Variants in CLIP1 observed in about 807,000 individuals in gnomAD.
The protein encoded by CLIP1 is CAP-Gly domain containing linker protein 1.
In CLIP1, 66 loss-of-function variants were observed where a neutral mutation model predicts 161.6. The observed-to-expected ratio is 0.41, with a 90% CI of 0.33 to 0.50. The LOEUF (loss-of-function observed/expected upper bound fraction) is 0.50. CLIP1 is among the 20% of genes least tolerant of loss of function. The pLI is 0.27. For missense variants in CLIP1, 1,376 were observed against 1,702.0 expected (o/e 0.81, Z 3.37); for synonymous variants, 598 against 626.2 (o/e 0.96, Z 0.67).
chr12:122,422,925 C>A (rs1469031096), upstream of CLIP1, among the ~76,000 whole-genome samples: 5 of 152,100 alleles, frequency 3.3e-5, no homozygotes, highest in Non-Finnish European at 7.4e-5. Flanking sequence ...CACAGGCCTG[C>A]TCCGAGGGGC....
chr12:122,298,078 G>A (rs1179638415), intron 20 of CLIP1, among the ~76,000 whole-genome samples: 1 of 152,176 alleles, frequency 6.6e-6, no homozygotes, highest in Non-Finnish European at 1.5e-5. Flanking sequence ...TCATGGCTCA[G>A]TTTCTCCAAC....
At chr12:122,382,452 C>T (rs2136859056) in intron 1 of CLIP1, among the ~76,000 whole-genome samples, 1 of 151,714 alleles carries the variant, frequency 6.6e-6, no homozygotes, top group East Asian at 1.9e-4. Context: ...CCCTTGATCC[C>T]AGAAGATGAA....
At chr12:122,411,288 C>T (rs113978227) in intron 1 of CLIP1, among the ~76,000 whole-genome samples, 12,029 of 152,046 alleles carry the variant, frequency 0.079, 1,554 homozygotes, top group African/African-American at 0.27. Flanking sequence ...TGGTGGCAGG[C>T]GCCTGTAATC....
At chr12:122,293,309 A>G (rs1950330101) in intron 20 of CLIP1, among the ~76,000 whole-genome samples, 1 of 152,112 alleles carries the variant, frequency 6.6e-6, no homozygotes, top group Admixed American at 6.6e-5. Flanking sequence ...TGGGCACCCA[A>G]GCCCTCCATC....
At chr12:122,297,163 C>T (rs140696459) in intron 20 of CLIP1, among the ~76,000 whole-genome samples, 1 of 152,256 alleles carries the variant, frequency 6.6e-6, no homozygotes, top group African/African-American at 2.4e-5. Flanking sequence ...TGGAAAATCT[C>T]CAAGAGCTCA....
chr12:122,347,188 CA>C (rs1384212759), intron 10 of CLIP1, among the ~76,000 whole-genome samples, 186 bp downstream of exon 10: 1 of 152,122 alleles, frequency 6.6e-6, no homozygotes, highest in Admixed American at 6.6e-5. Context: ...TTACTTTTGA[CA>C]AAAGACGAGA....
intron 20 of CLIP1, 77 bp from the exon 21 acceptor site, chr12:122,288,618 C>T (rs1369377642): frequency 6.3e-6 from 8 of 1,270,284 alleles, no homozygotes; most frequent in South Asian, 3.8e-5. Flanking sequence ...CATGTACATC[C>T]CCCAGGCTCC....
At chr12:122,387,712 G>A (rs918668226) in intron 1 of CLIP1, among the ~76,000 whole-genome samples, 9 of 146,302 alleles carry the variant, frequency 6.2e-5, no homozygotes, top group African/African-American at 1.8e-4. Flanking sequence ...CCATCCTCCC[G>A]AGCAGCTGAG....
intron 1 of CLIP1, among the ~76,000 whole-genome samples, chr12:122,412,060 C>CTTTTT (rs71082989): frequency 1.2e-4 from 10 of 81,596 alleles, no homozygotes; most frequent in Admixed American, 2.9e-4. Flanking sequence ...CAGTTATTTT[C>CTTTTT]TTTTTTTTTT....
chr12:122,397,548 A>G (rs1593243353), intron 1 of CLIP1, among the ~76,000 whole-genome samples: 5 of 81,192 alleles, frequency 6.2e-5, no homozygotes, highest in African/African-American at 1.8e-4. Context: ...GCCAGACTCC[A>G]TCTCCAAAAA....
At chr12:122,358,209 A>G (rs1376065983) in intron 5 of CLIP1, among the ~76,000 whole-genome samples, 3 of 151,298 alleles carry the variant, frequency 2.0e-5, no homozygotes, top group Non-Finnish European at 4.4e-5. Flanking sequence ...GCGGTGCAAG[A>G]TGTGCTTTGT....
At chr12:122,358,930 G>A (rs556648223) in intron 5 of CLIP1, among the ~76,000 whole-genome samples, 69 of 152,158 alleles carry the variant, frequency 4.5e-4, no homozygotes, top group Admixed American at 1.3e-3. Flanking sequence ...GCATGGTGGC[G>A]TGTGCCTATA....
chr12:122,276,938 C>G (rs1198701770), intron 24 of CLIP1: 1 of 159,526 alleles, frequency 6.3e-6, no homozygotes, highest in East Asian at 1.8e-4. Flanking sequence ...CAGGTGTGAG[C>G]TGCTGTGCCC....
At chr12:122,315,194 G>C (rs1951213942) in intron 19 of CLIP1, among the ~76,000 whole-genome samples, 1 of 152,146 alleles carries the variant, frequency 6.6e-6, no homozygotes, top group African/African-American at 2.4e-5. Flanking sequence ...GTTTGGAACT[G>C]ATGTTTTTGT....
intron 15 of CLIP1, among the ~76,000 whole-genome samples, chr12:122,330,580 T>G (rs1951899797): frequency 6.8e-6 from 1 of 146,434 alleles, no homozygotes. Flanking sequence ...ACTTCAGCAC[T>G]GAAGAAGTAT....
chr12:122,276,527 A>T, intron 24 of CLIP1: 1 of 1,262,992 alleles, frequency 7.9e-7, no homozygotes, highest in Admixed American at 2.3e-5. Flanking sequence ...ACTGTTAGTT[A>T]TTAAGCCCAG....
At chr12:122,337,754 G>A (rs34965292) in intron 11 of CLIP1, among the ~76,000 whole-genome samples, 13 of 151,762 alleles carry the variant, frequency 8.6e-5, no homozygotes, top group Non-Finnish European at 1.8e-4. Context: ...GGTGGCTCAC[G>A]CCTGTAATCC....
At chr12:122,303,021 G>T (rs1566094349) in intron 20 of CLIP1, among the ~76,000 whole-genome samples, 1 of 152,184 alleles carries the variant, frequency 6.6e-6, no homozygotes. Flanking sequence ...ATGAGCCACT[G>T]CATCTGGCCC....
At position 122,354,460 on chromosome 12, in the gene CLIP1, C is replaced by A; in HGVS notation, c.1300G>T (p.Glu434Ter). 1 of 1,613,334 alleles carries A rather than the reference C, an allele frequency of 6.2e-7. No individual in the cohort carries two copies. Among genetic ancestry groups the A allele is most frequent in the South Asian group, 1.1e-5 (1 of 91,048 alleles). Residue 434 changes from glutamate to a stop codon, truncating the protein, a stop_gained, in exon 7 of 26, where the codon GAG becomes TAG. Coordinates refer to ENST00000620786, the MANE Select transcript of CLIP1 (RefSeq NM_001247997.2). LOFTEE classifies it high-confidence loss of function. Reference sequence around the variant, plus strand: ...GAAACAGTCTGGGGTCACCTTTTCTCCTCTTCAAGCTGGTTGAGAAGCTCC... The same window carrying A: ...GAAACAGTCTGGGGTCACCTTTTCTACTCTTCAAGCTGGTTGAGAAGCTCC... Reference protein sequence around the residue: ...KVELLNQLEEEKRKVEDLQFR... With the variant: ...KVELLNQLEE
Sources: allele counts gnomAD v4.1 joint callset (sites outside exome capture counted in the v4.1 genomes callset), GRCh38; gene constraint gnomAD v4.1.1; transcripts MANE v1.5; gene names NCBI Gene and HGNC (gene_info 2026-07-23, HGNC 2026-07-21).